CHSY3: variants seen among roughly 807,000 people sequenced by gnomAD.
CHSY3 encodes the protein chondroitin sulfate synthase 3.
Under a neutral mutation model 67.2 loss-of-function variants are expected in CHSY3, and 35 were observed. The observed-to-expected ratio is 0.52, with a 90% CI of 0.40 to 0.69. The LOEUF (loss-of-function observed/expected upper bound fraction) is 0.69. CHSY3 is among the 30% of genes least tolerant of loss of function. The pLI is 0.00. For synonymous variants in CHSY3, 474 were observed against 434.7 expected (o/e 1.09, Z -1.12); for missense variants, 1,069 against 1,138.5 (o/e 0.94, Z 0.88).
At chr5:130,182,101 A>T (rs1770266562) in intron 2 of CHSY3, among the ~76,000 whole-genome samples, 1 of 152,116 alleles carries the variant, frequency 6.6e-6, no homozygotes, top group Admixed American at 6.6e-5. Flanking sequence ...TCTCAGTGAT[A>T]GAACCAAGTT....
intron 2 of CHSY3, among the ~76,000 whole-genome samples, chr5:129,959,117 C>T (rs1001661635): frequency 1.3e-5 from 2 of 152,046 alleles, no homozygotes; most frequent in African/African-American, 4.8e-5. Context: ...TTTTCCTTCT[C>T]ATGATAATTA....
intron 2 of CHSY3, among the ~76,000 whole-genome samples, chr5:130,017,887 G>C (rs536497717): frequency 1.3e-5 from 2 of 152,222 alleles, no homozygotes; most frequent in African/African-American, 4.8e-5. Context: ...ATCTTGAGAT[G>C]AGAAAACCAA....
Position 130,185,214 on chromosome 5 carries a change from T to G in CHSY3, c.2072T>G (p.Met691Arg). ...AAAGCAGAAATGACCCTGATCCCAA[T>G]GAAGGGAGAGTTTTCCAGAGGTCTT... ...YPKAEMTLIPMKGEFSRGLGL... is the reference protein window; with the variant it reads ...YPKAEMTLIPRKGEFSRGLGL... Residue 691 changes from methionine to arginine, a missense_variant, in exon 3 of 3, where the codon ATG (methionine) becomes AGG (arginine). By Grantham distance (91) the Met-to-Arg change is moderately conservative. This residue lies in a region of CHSY3 where 401 missense variants were observed against 395.2 expected (regional missense o/e 1.01). Coordinates refer to ENST00000305031, the MANE Select transcript of CHSY3 (RefSeq NM_175856.5). 1 of 1,609,230 alleles carries G rather than the reference T, an allele frequency of 6.2e-7. No homozygotes were observed. The highest frequency in any genetic ancestry group is 1.1e-5 in the South Asian group (1 of 90,976).
chr5:130,111,354 A>C (rs1001190405), intron 2 of CHSY3, among the ~76,000 whole-genome samples: 1 of 152,130 alleles, frequency 6.6e-6, no homozygotes, highest in African/African-American at 2.4e-5. Context: ...GGATTATCTG[A>C]AACTATATAT....
intron 2 of CHSY3, among the ~76,000 whole-genome samples, chr5:130,099,886 G>T (rs189706475): frequency 9.4e-4 from 143 of 152,184 alleles, no homozygotes; most frequent in African/African-American, 3.4e-3. Flanking sequence ...TGGTGCAGTT[G>T]TTTCTAAATG....
chr5:130,096,419 C>T (rs1346287514), intron 2 of CHSY3, among the ~76,000 whole-genome samples: 1 of 152,144 alleles, frequency 6.6e-6, no homozygotes, highest in East Asian at 1.9e-4. Flanking sequence ...AATCCGCCTG[C>T]CTCAGCCTCC....
chr5:130,101,482 A>G lies in CHSY3; in HGVS notation c.1087-82747A>G, dbSNP rs182238982. 1.5e-3 allele frequency among the ~76,000 whole-genome samples: 227 copies of G among 152,206 alleles called. 1 individual carries two copies. The highest frequency in any genetic ancestry group is 5.4e-3 in the African/African-American group (224 of 41,550). The stretch of plus-strand genomic sequence containing the variant: ...ATCCTGTTTTTAAATGACAAAAATT[A>G]TATATATTTATAGTGTATAACATAA... On this transcript the variant is annotated intron_variant, in intron 2 of 2. Coordinates refer to ENST00000305031, the MANE Select transcript of CHSY3 (RefSeq NM_175856.5).
chr5:130,161,472 T>A (rs987817699), intron 2 of CHSY3, among the ~76,000 whole-genome samples: 2 of 152,286 alleles, frequency 1.3e-5, no homozygotes, highest in African/African-American at 2.4e-5. Flanking sequence ...AGTTCTAAAG[T>A]TTTAAAGGTT....
chr5:130,087,138 G>A (rs1168718700), intron 2 of CHSY3, among the ~76,000 whole-genome samples: 1 of 151,920 alleles, frequency 6.6e-6, no homozygotes, highest in East Asian at 1.9e-4. Flanking sequence ...CTCAATAGAT[G>A]CAGAAAAAGC....
intron 2 of CHSY3, among the ~76,000 whole-genome samples, chr5:130,014,757 G>GA (rs1360010151): frequency 2.6e-5 from 4 of 152,072 alleles, no homozygotes; most frequent in African/African-American, 9.7e-5. Flanking sequence ...AAAAATCCTA[G>GA]AAAAAATTCC....
intron 2 of CHSY3, among the ~76,000 whole-genome samples, chr5:130,065,344 C>T (rs963199878): frequency 6.6e-6 from 1 of 152,012 alleles, no homozygotes; most frequent in African/African-American, 2.4e-5. Flanking sequence ...TAGCCCTTGG[C>T]CTCTGTTTAG....
At chr5:130,107,457 G>T (rs1039060876) in intron 2 of CHSY3, among the ~76,000 whole-genome samples, 2 of 151,370 alleles carry the variant, frequency 1.3e-5, no homozygotes, top group South Asian at 2.1e-4. Flanking sequence ...GTGTGTGTGT[G>T]TGTTCGTCTA....
chr5:130,050,967 A>C (rs1765326283), intron 2 of CHSY3, among the ~76,000 whole-genome samples: 1 of 152,326 alleles, frequency 6.6e-6, no homozygotes, highest in East Asian at 1.9e-4. Context: ...ATTACAAAAA[A>C]TATGGTATAT....
intron 2 of CHSY3, among the ~76,000 whole-genome samples, chr5:130,084,226 C>T (rs1031116155): frequency 2.0e-5 from 3 of 152,028 alleles, no homozygotes; most frequent in African/African-American, 7.2e-5. Context: ...CTGTCTTCAA[C>T]AAGTGGGAAT....
intron 2 of CHSY3, among the ~76,000 whole-genome samples, chr5:130,143,768 GTATATATATATATGTGTA>G (rs1768963382): frequency 1.5e-5 from 1 of 64,970 alleles, no homozygotes; most frequent in Admixed American, 1.9e-4. Flanking sequence ...GTGTGTGTGT[GTATATATATATATGTGTA>G]TATATATATA....
Position 130,009,045 on chromosome 5 carries a change from G to T in CHSY3, c.1086+100685G>T, listed in dbSNP as rs550050376. On this transcript the variant is annotated intron_variant, in intron 2 of 2. Transcript: ENST00000305031. ...GAAAGCAATGTGAAAAACATTTGAG[G>T]TTATTATCCACAAAATTTTCACAAC... 3.3e-5 allele frequency among the ~76,000 whole-genome samples: 5 copies of T among 151,572 alleles called. No homozygotes were observed. The East Asian group carries it at 9.7e-4, about 29-fold the overall frequency.
intron 2 of CHSY3, among the ~76,000 whole-genome samples, chr5:129,954,460 C>CA (rs1762111343): frequency 7.0e-6 from 1 of 143,604 alleles, no homozygotes. Context: ...CTTGGCTATA[C>CA]GGTTTTTTTT....
chr5:129,993,538 C>CT (rs1004455661), intron 2 of CHSY3, among the ~76,000 whole-genome samples: 12 of 151,834 alleles, frequency 7.9e-5, no homozygotes, highest in African/African-American at 1.9e-4. Context: ...CAATCCCTGC[C>CT]TTTTTTTTGT....
At chr5:130,037,395 T>A (rs369452577) in intron 2 of CHSY3, among the ~76,000 whole-genome samples, 8 of 152,114 alleles carry the variant, frequency 5.3e-5, no homozygotes, top group Admixed American at 1.3e-4. Context: ...GGGCAGAGGC[T>A]GTTAGAGTTG....
Sources: gnomAD v4.1 joint callset for allele counts (sites outside exome capture counted in the v4.1 genomes callset) on GRCh38, gnomAD v4.1.1 for gene constraint, gnomAD v4.1.1 regional missense constraint, MANE v1.5 for transcripts, NCBI Gene and HGNC (gene_info 2026-07-23, HGNC 2026-07-21) for gene names.